The following SPMIP6 variants were observed in gnomAD, a reference collection of about 807,000 sequenced individuals.
SPMIP6 encodes sperm microtubule inner protein 6.
chr9:34,379,672 CGGCG>C, the SPMIP6 span: 1 of 1,614,094 alleles, frequency 6.2e-7, no homozygotes. This position sits in a 1 kb window ranked among gnomAD's most constrained non-coding sequence, Gnocchi z 4.2. Context: ...GGTAGTATGA[CGGCG>C]GGGGAGTTGT....
the SPMIP6 span, among the ~76,000 whole-genome samples, chr9:34,380,116 G>A: frequency 6.6e-6 from 1 of 152,130 alleles, no homozygotes; most frequent in Non-Finnish European, 1.5e-5. Flanking sequence ...CCCTTGAGAG[G>A]GATAAGACTC....
the SPMIP6 span, among the ~76,000 whole-genome samples, chr9:34,389,026 G>A: frequency 6.7e-6 from 1 of 148,900 alleles, no homozygotes; most frequent in African/African-American, 2.5e-5. Flanking sequence ...CTACCTCCTG[G>A]GCTAAAGCTA....
the SPMIP6 span, chr9:34,379,275 T>C: frequency 1.3e-6 from 1 of 781,004 alleles, no homozygotes; most frequent in Admixed American, 2.0e-5. This position sits in a 1 kb window ranked among gnomAD's most constrained non-coding sequence, Gnocchi z 4.2. Context: ...CCCTACACTT[T>C]GTCTATAGCA....
chr9:34,394,553 G>T, the SPMIP6 span, among the ~76,000 whole-genome samples: 1 of 152,124 alleles, frequency 6.6e-6, no homozygotes, highest in Non-Finnish European at 1.5e-5. Context: ...TAATATGGTG[G>T]TTTGTTTTCT....
the SPMIP6 span, among the ~76,000 whole-genome samples, chr9:34,395,885 G>A: frequency 6.6e-6 from 1 of 152,300 alleles, no homozygotes; most frequent in Admixed American, 6.5e-5. Flanking sequence ...TATTGAGTAT[G>A]GAGTCAGGCA....
At chr9:34,380,379 G>A in the SPMIP6 span, among the ~76,000 whole-genome samples, 1 of 152,294 alleles carries the variant, frequency 6.6e-6, no homozygotes, top group African/African-American at 2.4e-5. Context: ...GAGCCATTCT[G>A]GTAAAGTGGT....
the SPMIP6 span, among the ~76,000 whole-genome samples, chr9:34,390,722 C>A: frequency 6.6e-6 from 1 of 152,020 alleles, no homozygotes; most frequent in Non-Finnish European, 1.5e-5. Context: ...TGGGCTCAAG[C>A]ATTCCTCCTG....
chr9:34,380,925 G>T, the SPMIP6 span: 8 of 1,596,184 alleles, frequency 5.0e-6, no homozygotes, highest in Admixed American at 1.7e-5. Flanking sequence ...CGGCACCAAG[G>T]CCGCAGGCGG....
the SPMIP6 span, among the ~76,000 whole-genome samples, chr9:34,389,273 C>T: frequency 6.6e-6 from 1 of 152,044 alleles, no homozygotes; most frequent in African/African-American, 2.4e-5. Context: ...CTTGTGTGGT[C>T]AGTGCTTTCT....
chr9:34,389,808 A>G, the SPMIP6 span: 1 of 152,180 alleles, frequency 6.6e-6, no homozygotes, highest in Non-Finnish European at 1.5e-5. Context: ...ATTTCTAATT[A>G]TCTTTATTTT....
At chr9:34,379,787 C>T in the SPMIP6 span, 2 of 1,429,924 alleles carry the variant, frequency 1.4e-6, no homozygotes, top group East Asian at 4.5e-5. This position sits in a 1 kb window ranked among gnomAD's most constrained non-coding sequence, Gnocchi z 4.2. Context: ...GACTCTCATC[C>T]CCCGATTTAG....
the SPMIP6 span, among the ~76,000 whole-genome samples, chr9:34,392,222 C>G: frequency 6.6e-6 from 1 of 151,964 alleles, no homozygotes; most frequent in Non-Finnish European, 1.5e-5. The surrounding 1 kb of genome is among the most constrained non-coding windows in gnomAD (Gnocchi z 4.6). Flanking sequence ...ACCATCACAC[C>G]CAGCTAATTT....
chr9:34,391,922 G>A, the SPMIP6 span, among the ~76,000 whole-genome samples: 2 of 147,540 alleles, frequency 1.4e-5, no homozygotes, highest in African/African-American at 2.5e-5. Flanking sequence ...GGTTGGGGAT[G>A]TCTGCTTGAC....
chr9:34,385,637 C>A, the SPMIP6 span: 1 of 1,611,580 alleles, frequency 6.2e-7, no homozygotes. Context: ...GAGGCCTTAC[C>A]TTCCTCTTGA....
chr9:34,392,442 C>CGTGTGT, the SPMIP6 span, among the ~76,000 whole-genome samples: 3,831 of 148,188 alleles, frequency 0.026, 61 homozygotes, highest in South Asian at 0.041. This position sits in a 1 kb window ranked among gnomAD's most constrained non-coding sequence, Gnocchi z 4.6. Context: ...ATCTAAAAAC[C>CGTGTGT]GTGTGTGTGT....
the SPMIP6 span, chr9:34,379,781 C>G: frequency 6.8e-7 from 1 of 1,465,702 alleles, no homozygotes; most frequent in Non-Finnish European, 9.5e-7. The surrounding 1 kb of genome is among the most constrained non-coding windows in gnomAD (Gnocchi z 4.2). Context: ...CCTTTTGACT[C>G]TCATCCCCCG....
the SPMIP6 span, among the ~76,000 whole-genome samples, chr9:34,385,213 A>G: frequency 6.6e-6 from 1 of 152,090 alleles, no homozygotes; most frequent in Non-Finnish European, 1.5e-5. Flanking sequence ...AATCTAGGTC[A>G]TGGGTGGAGA....
At chr9:34,386,426 T>A in the SPMIP6 span, among the ~76,000 whole-genome samples, 3 of 151,894 alleles carry the variant, frequency 2.0e-5, no homozygotes, top group Non-Finnish European at 4.4e-5. Context: ...AAATCCCGTC[T>A]CTACTAAAAA....
the SPMIP6 span, chr9:34,381,593 G>T: frequency 6.9e-7 from 1 of 1,453,398 alleles, no homozygotes; most frequent in Non-Finnish European, 9.1e-7. This position sits in a 1 kb window ranked among gnomAD's most constrained non-coding sequence, Gnocchi z 4.4. Context: ...CTGTGTTGGC[G>T]GCTGTCACCG....
Sources: allele counts gnomAD v4.1 joint callset (sites outside exome capture counted in the v4.1 genomes callset), GRCh38; gene constraint gnomAD v4.1.1; non-coding constraint Gnocchi (gnomAD v3.1); transcripts MANE v1.5; gene names NCBI Gene and HGNC (gene_info 2026-07-23, HGNC 2026-07-21).